Variants in CPNE4 observed in about 807,000 individuals in gnomAD.
The protein encoded by CPNE4 is copine-4.
In CPNE4, 25 loss-of-function variants were observed where a neutral mutation model predicts 67.9. The ratio of observed to expected loss-of-function variants is 0.37; its 90% CI spans 0.27 to 0.51. The LOEUF (loss-of-function observed/expected upper bound fraction) is 0.51. Ranked by LOEUF, CPNE4 falls within the 20% of genes least tolerant of loss-of-function variation. The probability of loss-of-function intolerance (pLI) is 0.93; values close to 1 mark genes in which losing one functional copy is unlikely to be tolerated. For synonymous variants in CPNE4, 242 were observed against 244.9 expected (o/e 0.99, Z 0.11); for missense variants, 464 against 690.8 (o/e 0.67, Z 3.68).
chr3:131,536,871 A>G (rs1334878927), intron 15 of CPNE4, among the ~76,000 whole-genome samples: 1 of 152,210 alleles, frequency 6.6e-6, no homozygotes, highest in Non-Finnish European at 1.5e-5. Flanking sequence ...TGTTTCTCAT[A>G]CAAAGGTTAG....
intron 1 of CPNE4, among the ~76,000 whole-genome samples, chr3:131,976,164 T>C (rs2072648457): frequency 6.6e-6 from 1 of 151,746 alleles, no homozygotes. Context: ...CTTAAAGTGT[T>C]TCTAGAAGGG....
chr3:131,607,091 G>A (rs1400373433), intron 7 of CPNE4, among the ~76,000 whole-genome samples: 1 of 151,680 alleles, frequency 6.6e-6, no homozygotes, highest in Non-Finnish European at 1.5e-5. Flanking sequence ...TTGTCAAAGA[G>A]AAGCAATTCT....
chr3:131,574,962 G>T (rs1384668382), intron 10 of CPNE4, 109 bp downstream of exon 10: 2 of 873,274 alleles, frequency 2.3e-6, no homozygotes, highest in African/African-American at 1.7e-5. Context: ...GAACAAAGCT[G>T]CCTGAAGGTT....
intron 2 of CPNE4, among the ~76,000 whole-genome samples, chr3:131,783,190 C>T (rs2083470112): frequency 6.6e-6 from 1 of 152,068 alleles, no homozygotes; most frequent in Admixed American, 6.6e-5. Flanking sequence ...ATCCCTATGT[C>T]CTCTTAAGAT....
At chr3:131,975,301 T>C (rs1311596609) in intron 1 of CPNE4, among the ~76,000 whole-genome samples, 1 of 152,046 alleles carries the variant, frequency 6.6e-6, no homozygotes, top group Non-Finnish European at 1.5e-5. Flanking sequence ...CTCCAGGCAA[T>C]ATAGGACAGA....
intron 2 of CPNE4, among the ~76,000 whole-genome samples, chr3:131,766,602 G>A (rs1471560355): frequency 6.6e-6 from 1 of 152,132 alleles, no homozygotes; most frequent in Non-Finnish European, 1.5e-5. Context: ...CTCAAGCACA[G>A]CACTAGGAAG....
intron 2 of CPNE4, among the ~76,000 whole-genome samples, chr3:131,840,689 C>A (rs1384065103): frequency 6.6e-6 from 1 of 152,086 alleles, no homozygotes; most frequent in African/African-American, 2.4e-5. Flanking sequence ...TCCCCATATC[C>A]CCATATAGGC....
intron 2 of CPNE4, among the ~76,000 whole-genome samples, chr3:131,836,749 T>C: frequency 6.6e-6 from 1 of 152,226 alleles, no homozygotes; most frequent in Admixed American, 6.5e-5. Flanking sequence ...GAAAAATTTG[T>C]GTTTTGCTAA....
chr3:131,633,127 T>C lies in CPNE4; in HGVS notation c.681+36548A>G, dbSNP rs548008899. Among the ~76,000 whole-genome samples the C allele has an allele frequency of 2.6e-5, 4 of 152,342 alleles. No homozygotes were observed. The South Asian group carries it at 8.3e-4, about 32-fold the overall frequency. ...AGATTTCTCTCTCCTGCACTCCACA[T>C]CAAATCTTTCAGGAAATCTTGTTGG... On this transcript the variant is annotated intron_variant, in intron 7 of 15. Coordinates refer to ENST00000429747, the MANE Select transcript of CPNE4 (RefSeq NM_130808.3).
intron 1 of CPNE4, among the ~76,000 whole-genome samples, chr3:131,910,644 C>CATG (rs2088941998): frequency 1.3e-5 from 2 of 152,114 alleles, no homozygotes; most frequent in Admixed American, 6.6e-5. Flanking sequence ...GATGAGGGGG[C>CATG]ATGAACTCTT....
intron 6 of CPNE4, among the ~76,000 whole-genome samples, chr3:131,678,490 G>C (rs1207559900): frequency 6.6e-6 from 1 of 152,102 alleles, no homozygotes. Flanking sequence ...GGAGTGGTGA[G>C]AGAGGGCATC....
intron 1 of CPNE4, among the ~76,000 whole-genome samples, chr3:132,005,342 TACACACACACACAC>T (rs71639016): frequency 0.024 from 2,032 of 85,968 alleles, 41 homozygotes; most frequent in African/African-American, 0.038. Flanking sequence ...TATATATATA[TACACACACACACAC>T]ACACACACAC....
intron 7 of CPNE4, among the ~76,000 whole-genome samples, chr3:131,591,154 G>A (rs1374727519): frequency 2.6e-5 from 4 of 152,130 alleles, no homozygotes; most frequent in Non-Finnish European, 5.9e-5. Context: ...AAATCTTGCT[G>A]GGCTTAGACA....
At chr3:131,853,127 G>T (rs1001949982) in intron 2 of CPNE4, among the ~76,000 whole-genome samples, 2 of 151,580 alleles carry the variant, frequency 1.3e-5, no homozygotes, top group Admixed American at 6.6e-5. Flanking sequence ...AAAGCAATTT[G>T]AAAAATAAGA....
chr3:131,758,207 T>TGAGC (rs1198887224), intron 2 of CPNE4, among the ~76,000 whole-genome samples: 5 of 151,962 alleles, frequency 3.3e-5, no homozygotes, highest in Admixed American at 1.3e-4. Flanking sequence ...CTGCAGACAC[T>TGAGC]CAATGCCAGC....
At position 131,667,236 on chromosome 3, in the gene CPNE4, A is replaced by C. The variant is rs148963369; in HGVS notation, c.681+2439T>G. ...AAATTAGAATATTTTAGTTAATCTTACATGTTCATTCTCTTCTTCTGATTT... is the reference window on the plus strand; with the variant it reads ...AAATTAGAATATTTTAGTTAATCTTCCATGTTCATTCTCTTCTTCTGATTT... On this transcript the variant is annotated intron_variant, in intron 7 of 15. Coordinates refer to ENST00000429747, the MANE Select transcript of CPNE4 (RefSeq NM_130808.3). Among the ~76,000 whole-genome samples, 128 of 152,240 alleles carry C rather than the reference A, an allele frequency of 8.4e-4. No individual in the cohort carries two copies. The Middle Eastern group carries it at 0.01, about 12-fold the overall frequency.
At chr3:131,631,532 T>G (rs1182457118) in intron 7 of CPNE4, among the ~76,000 whole-genome samples, 1 of 152,230 alleles carries the variant, frequency 6.6e-6, no homozygotes, top group African/African-American at 2.4e-5. Context: ...GACTCTGTAT[T>G]TTTAAATTGC....
chr3:131,723,716 C>G (rs1397098229), intron 2 of CPNE4, 91 bp from the exon 3 acceptor site: 2 of 1,188,666 alleles, frequency 1.7e-6, no homozygotes, highest in African/African-American at 3.0e-5. Flanking sequence ...TTCCCTTCTT[C>G]CCAACCATAA....
At chr3:131,982,143 G>A (rs1055012508) in intron 1 of CPNE4, among the ~76,000 whole-genome samples, 6 of 152,140 alleles carry the variant, frequency 3.9e-5, no homozygotes, top group African/African-American at 1.4e-4. Flanking sequence ...TCCACTGTAT[G>A]ATCACTGAAA....
Sources: gnomAD v4.1 joint callset for allele counts (sites outside exome capture counted in the v4.1 genomes callset) on GRCh38, gnomAD v4.1.1 for gene constraint, MANE v1.5 for transcripts, NCBI Gene and HGNC (gene_info 2026-07-23, HGNC 2026-07-21) for gene names.